Variants in MARCHF1 observed in about 807,000 individuals in gnomAD.
MARCHF1 encodes the protein E3 ubiquitin-protein ligase MARCHF1.
MARCHF1 carries 40 observed loss-of-function variants against 54.2 expected under a neutral mutation model. The ratio of observed to expected loss-of-function variants is 0.74; its 90% CI spans 0.57 to 0.96. The LOEUF (loss-of-function observed/expected upper bound fraction) is 0.96. Among genes scored for constraint, MARCHF1 ranks in the 40% least tolerant of loss-of-function variants. The pLI is 0.00. For synonymous variants in MARCHF1, 236 were observed against 236.3 expected (o/e 1.00, Z 0.01); for missense variants, 586 against 656.5 (o/e 0.89, Z 1.17).
rs375446257 is a variant in MARCHF1, at chr4:163,988,585, C to A, written c.-123G>T. On this transcript the variant is annotated 5_prime_UTR_variant, in exon 3 of 10. Coordinates refer to ENST00000514618, the MANE Select transcript of MARCHF1 (RefSeq NM_001394959.1). ...TCTCCCGTGCTGGGATTACGGAAAT[C>A]TGGTGGAGGGGCATATTGGCAGGGC... The A allele has an allele frequency of 6.6e-6, 1 of 152,298 alleles. No homozygotes were observed. Among genetic ancestry groups the A allele is most frequent in the African/African-American group, 2.4e-5 (1 of 41,452 alleles). 9.4% of individuals were successfully genotyped at this position (152,298 alleles called of 1,614,324 possible). A position where few individuals can be genotyped will look rare whatever the true frequency, so the allele number is the denominator to read the frequency against.
At chr4:163,873,397 C>T (rs945596116) in intron 3 of MARCHF1, among the ~76,000 whole-genome samples, 1 of 152,220 alleles carries the variant, frequency 6.6e-6, no homozygotes, top group Non-Finnish European at 1.5e-5. Context: ...CATTTTCTCT[C>T]ATCAGAGCCC....
chr4:163,672,306 C>T (rs908713438), intron 5 of MARCHF1, among the ~76,000 whole-genome samples: 1 of 151,748 alleles, frequency 6.6e-6, no homozygotes, highest in Non-Finnish European at 1.5e-5. Context: ...TTTTGGGGTA[C>T]ATGTGAAGGT....
At chr4:164,214,088 AAACG>A (rs1731860352) in intron 1 of MARCHF1, among the ~76,000 whole-genome samples, 1 of 152,088 alleles carries the variant, frequency 6.6e-6, no homozygotes, top group Non-Finnish European at 1.5e-5. Flanking sequence ...AAAAATTTTA[AAACG>A]TCCATGTAAA....
At chr4:164,018,004 T>C (rs1385918042) in intron 2 of MARCHF1, among the ~76,000 whole-genome samples, 2 of 151,978 alleles carry the variant, frequency 1.3e-5, no homozygotes, top group Non-Finnish European at 2.9e-5. Flanking sequence ...TCCACACATA[T>C]GCAGTCAATT....
chr4:164,017,433 A>G (rs1202936374), intron 2 of MARCHF1, among the ~76,000 whole-genome samples: 1 of 152,056 alleles, frequency 6.6e-6, no homozygotes, highest in Non-Finnish European at 1.5e-5. Flanking sequence ...AATGAACCTC[A>G]CAGAAAGAAA....
In MARCHF1 at chr4:164,261,609, C is replaced by A. The variant is rs1733466306; in HGVS notation, c.-323+122261G>T. On this transcript the variant is annotated intron_variant, in intron 1 of 9. Transcript: ENST00000514618. ...CTCCTCCTTAATCATCCTGAGGTTACATCTTAAATCCTTTCCCCTTGCCAT... is the reference window on the plus strand; with the variant it reads ...CTCCTCCTTAATCATCCTGAGGTTAAATCTTAAATCCTTTCCCCTTGCCAT... 2.6e-5 allele frequency among the ~76,000 whole-genome samples: 4 copies of A among 152,130 alleles called. No individual in the cohort carries two copies. In the South Asian group the frequency reaches 8.3e-4, roughly 32 times the overall value.
intron 1 of MARCHF1, among the ~76,000 whole-genome samples, chr4:164,143,673 C>T (rs1468977495): frequency 3.9e-5 from 6 of 152,108 alleles, no homozygotes; most frequent in South Asian, 4.1e-4. Flanking sequence ...CTGAAAGAAG[C>T]GCTAAACATG....
chr4:164,018,790 T>A (rs1753601071), intron 2 of MARCHF1, among the ~76,000 whole-genome samples: 1 of 152,214 alleles, frequency 6.6e-6, no homozygotes, highest in Admixed American at 6.5e-5. Context: ...AATGGACTCA[T>A]CACAGAATGT....
intron 8 of MARCHF1, among the ~76,000 whole-genome samples, chr4:163,582,452 G>A (rs1403156858): frequency 1.3e-5 from 2 of 152,150 alleles, no homozygotes; most frequent in Non-Finnish European, 2.9e-5. Context: ...CAATTAATGA[G>A]GTAACATTTT....
chr4:163,833,529 C>G (rs1749090640), intron 4 of MARCHF1, among the ~76,000 whole-genome samples: 1 of 152,068 alleles, frequency 6.6e-6, no homozygotes. Context: ...AAGAAAAAAA[C>G]AAACAACCCC....
At chr4:164,049,662 T>A (rs1754317477) in intron 2 of MARCHF1, among the ~76,000 whole-genome samples, 1 of 152,158 alleles carries the variant, frequency 6.6e-6, no homozygotes, top group Non-Finnish European at 1.5e-5. Context: ...CAAAAAAAGC[T>A]AAGAATCATC....
intron 1 of MARCHF1, among the ~76,000 whole-genome samples, chr4:164,144,368 AT>A (rs1232388315): frequency 6.6e-6 from 1 of 151,368 alleles, no homozygotes; most frequent in African/African-American, 2.5e-5. Flanking sequence ...CAGAATATAT[AT>A]TTTTTTCAGC....
intron 1 of MARCHF1, among the ~76,000 whole-genome samples, chr4:164,357,986 G>A (rs1374270185): frequency 2.0e-5 from 3 of 152,102 alleles, no homozygotes; most frequent in Non-Finnish European, 2.9e-5. Context: ...ATGACAAGGT[G>A]AGAAACATAA....
chr4:164,269,983 T>C (rs1297054228), intron 1 of MARCHF1, among the ~76,000 whole-genome samples: 1 of 152,170 alleles, frequency 6.6e-6, no homozygotes, highest in Non-Finnish European at 1.5e-5. Flanking sequence ...AGAGTTTGTT[T>C]AAAACATGTA....
At chr4:163,909,003 A>T (rs1029135184) in intron 3 of MARCHF1, among the ~76,000 whole-genome samples, 13 of 152,190 alleles carry the variant, frequency 8.5e-5, no homozygotes, top group Non-Finnish European at 1.6e-4. Context: ...AGAGGTAAAA[A>T]TATAACATTA....
At chr4:163,584,671 T>C (rs1740348181) in intron 8 of MARCHF1, 1 of 152,230 alleles carries the variant, frequency 6.6e-6, no homozygotes, top group African/African-American at 2.4e-5. Flanking sequence ...AAGCAAGGAA[T>C]GTGATTCTCT....
At chr4:163,890,149 T>C (rs2111267274) in intron 3 of MARCHF1, among the ~76,000 whole-genome samples, 1 of 151,036 alleles carries the variant, frequency 6.6e-6, no homozygotes, top group Admixed American at 6.6e-5. Flanking sequence ...TTAGCCAGGA[T>C]GGTCTCGATC....
chr4:163,968,324 T>A (rs192125254), intron 3 of MARCHF1, among the ~76,000 whole-genome samples: 1 of 152,124 alleles, frequency 6.6e-6, no homozygotes, highest in African/African-American at 2.4e-5. Flanking sequence ...TCATGCTACA[T>A]AGGCAGGGCA....
intron 1 of MARCHF1, among the ~76,000 whole-genome samples, chr4:164,130,820 T>C (rs1375718582): frequency 1.3e-5 from 2 of 152,172 alleles, no homozygotes; most frequent in Admixed American, 6.6e-5. Context: ...AATTAATACA[T>C]TGATTGATGT....
Sources: gnomAD v4.1 joint callset for allele counts (sites outside exome capture counted in the v4.1 genomes callset) on GRCh38, gnomAD v4.1.1 for gene constraint, MANE v1.5 for transcripts, NCBI Gene and HGNC (gene_info 2026-07-23, HGNC 2026-07-21) for gene names.